Variants in ARID3A observed in about 807,000 individuals in gnomAD.
ARID3A encodes the protein AT-rich interaction domain 3A.
ARID3A carries 11 observed loss-of-function variants against 52.7 expected under a neutral mutation model. The ratio of observed to expected loss-of-function variants is 0.21; its 90% CI spans 0.13 to 0.35. The LOEUF (loss-of-function observed/expected upper bound fraction) is 0.35. Among genes scored for constraint, ARID3A ranks in the 10% least tolerant of loss-of-function variants. ARID3A has a pLI of 1.00. For missense variants in ARID3A, 721 were observed against 838.5 expected, an observed-to-expected ratio of 0.86 and a Z score of 1.73; for synonymous variants, 404 against 359.4, an observed-to-expected ratio of 1.12 and a Z score of -1.40.
chr19:950,355 CGGATGGATGAGGCCGTCCCCAGAGGGAAT>C (rs1486341371), intron 3 of ARID3A, among the ~76,000 whole-genome samples: 25,703 of 95,446 alleles, frequency 0.27, 3,486 homozygotes, highest in Middle Eastern at 0.31. Context: ...CCAGAGGGAA[CGGATGGATGAGGCCGTCCCCAGAGGGAAT>C]GGATGGATGA....
rs1482781359 is a variant in ARID3A at position 959,603 on chromosome 19, C to T, written c.694-489C>T. 2.0e-5 allele frequency among the ~76,000 whole-genome samples: 3 copies of T among 152,088 alleles called. No individual in the cohort carries two copies. Among genetic ancestry groups the T allele is most frequent in the South Asian group, 2.1e-4 (1 of 4,818 alleles). On this transcript the variant is annotated intron_variant, in intron 3 of 8. Coordinates refer to ENST00000263620, the MANE Select transcript of ARID3A (RefSeq NM_005224.3). This position sits in a 1 kb window ranked among gnomAD's most constrained non-coding sequence, Gnocchi z 5.0. The stretch of plus-strand genomic sequence containing the variant: ...GTTTTGGACTTCTGGGCTCCGGGAC[C>T]GCGGGAGAATAGATTTCTGTTGCTT...
chr19:970,004 A>T (rs2038243825), intron 8 of ARID3A, among the ~76,000 whole-genome samples: 1 of 151,824 alleles, frequency 6.6e-6, no homozygotes, highest in African/African-American at 2.4e-5. Context: ...ATATATACAT[A>T]TTTTTTTAAA....
In ARID3A at chr19:966,812, A is replaced by G. The variant is rs1469683411; in HGVS notation, c.1439A>G (p.Gln480Arg). 6.2e-7 allele frequency: 1 copy of G among 1,613,490 alleles called. No homozygotes were observed. The highest frequency in any genetic ancestry group is 8.5e-7 in the Non-Finnish European group (1 of 1,179,916). Residue 480 changes from glutamine (Q) to arginine (R), a missense_variant, in exon 7 of 9, where the codon CAG becomes CGG. Around this residue, in one of 5 missense-constraint regions of ARID3A, gnomAD observed 297 missense variants for 343.2 expected, o/e 0.87. Transcript: ENST00000263620. Reference protein sequence around the residue: ...QQRLMQRALQQNFLAMAAQLP... With the variant: ...QQRLMQRALQRNFLAMAAQLP... ...CGGCTGATGCAACGTGCACTCCAGC[A>G]GAACTTCCTGGCCATGGCGGCCCAG... is the stretch of plus-strand genomic sequence containing the variant.
chr19:940,577 G>A (rs951976662), intron 3 of ARID3A, among the ~76,000 whole-genome samples: 1 of 152,040 alleles, frequency 6.6e-6, no homozygotes, highest in Non-Finnish European at 1.5e-5. Flanking sequence ...CTGAGAAGAA[G>A]GAGAAGGAGG....
intron 3 of ARID3A, among the ~76,000 whole-genome samples, chr19:952,737 T>A (rs535113947): frequency 6.6e-6 from 1 of 152,136 alleles, no homozygotes; most frequent in South Asian, 2.1e-4. Context: ...CTTTGGAGCC[T>A]CCTGGGAGAC....
chr19:949,284 G>A (rs2238580), intron 3 of ARID3A, among the ~76,000 whole-genome samples: 29,689 of 151,754 alleles, frequency 0.2, 3,316 homozygotes, highest in East Asian at 0.47. Context: ...AGGTGCCAAG[G>A]CCCCCAGGGA....
rs1301159662 is a variant in ARID3A at position 974,343 on chromosome 19, C to T, written c.*2278C>T. ...CCTTGTCCCTTCCTGGGGCCAGCAC[C>T]GTAGCAGCACAATCACCCCGGGAAG... On this transcript the variant is annotated 3_prime_UTR_variant, in exon 9 of 9. Coordinates refer to ENST00000263620, the MANE Select transcript of ARID3A (RefSeq NM_005224.3). 1.3e-5 allele frequency: 3 copies of T among 228,468 alleles called. No individual in the cohort carries two copies. Among genetic ancestry groups the T allele is most frequent in the East Asian group, 1.2e-4 (2 of 16,096 alleles). 14.2% of individuals were successfully genotyped at this position (228,468 alleles called of 1,614,324 possible).
intron 3 of ARID3A, among the ~76,000 whole-genome samples, chr19:950,624 G>A (rs770517629): frequency 2.0e-5 from 3 of 152,194 alleles, no homozygotes; most frequent in African/African-American, 4.8e-5. Flanking sequence ...AGGGAGCCAC[G>A]GTTGACCGTG....
At chr19:957,578 C>T (rs1027502575) in intron 3 of ARID3A, among the ~76,000 whole-genome samples, 3 of 152,206 alleles carry the variant, frequency 2.0e-5, no homozygotes, top group Admixed American at 6.5e-5. Flanking sequence ...CGGTGGCTCC[C>T]GCCTGTGACC....
chr19:929,930 G>A lies in ARID3A; in HGVS notation c.368+34G>A. The A allele has an allele frequency of 1.3e-6, 2 of 1,536,006 alleles. No homozygotes were observed. Among genetic ancestry groups the A allele is most frequent in the East Asian group, 2.4e-5 (1 of 40,866 alleles). ...GGGTCTGGGGCAGGGCCTTCTGGGG[G>A]CTGTTACTGGCTCTGAGTGTCACTC... On this transcript the variant is annotated intron_variant, in intron 2 of 8. Transcript: ENST00000263620. This position sits in a 1 kb window ranked among gnomAD's most constrained non-coding sequence, Gnocchi z 6.2.
At position 974,738 on chromosome 19, in the gene ARID3A, CGT is replaced by C. The variant is rs1378733930; in HGVS notation, c.*2682_*2683del. The C allele has an allele frequency of 2.2e-5, 5 of 230,534 alleles. No individual in the cohort carries two copies. The highest frequency in any genetic ancestry group is 8.9e-5 in the African/African-American group (4 of 45,086). The allele number at this position is 230,534 out of a possible 1,614,324, so 14.3% of individuals were successfully genotyped here. ...GGGCTGGGTCGTCTCCCTCGGGCTG[CGT>C]GTGTGTGTCGGGAATCCTGCGTGTC... On this transcript the variant is annotated 3_prime_UTR_variant, in exon 9 of 9. Coordinates refer to ENST00000263620, the MANE Select transcript of ARID3A (RefSeq NM_005224.3).
At chr19:961,235 G>A (rs957912882) in intron 4 of ARID3A, among the ~76,000 whole-genome samples, 18 of 151,860 alleles carry the variant, frequency 1.2e-4, no homozygotes, top group African/African-American at 1.7e-4. Flanking sequence ...CCCAGCCTCC[G>A]CCCACCCCTC....
At position 929,436 on chromosome 19, in the gene ARID3A, G is replaced by GCCCCCCCCCCCCCGGGGCC; in HGVS notation, c.-88_-87insCCCCCCCCGGGGCCCCCCC. On this transcript the variant is annotated 5_prime_UTR_variant, in exon 2 of 9. Coordinates refer to ENST00000263620, the MANE Select transcript of ARID3A (RefSeq NM_005224.3). The surrounding 1 kb of genome is among the most constrained non-coding windows in gnomAD (Gnocchi z 6.2). ...GGCCCCCACGCTGCAGTGCGGCCGG[G>GCCCCCCCCCCCCCGGGGCC]CCCCCTCCCCGCAGGGGCCGCCCCC... 1 of 1,227,758 alleles carries GCCCCCCCCCCCCCGGGGCC rather than the reference G, an allele frequency of 8.1e-7. No individual in the cohort carries two copies. Among genetic ancestry groups the GCCCCCCCCCCCCCGGGGCC allele is most frequent in the Non-Finnish European group, 1.0e-6 (1 of 964,926 alleles). 76.1% of individuals were successfully genotyped at this position (1,227,758 alleles called of 1,614,324 possible). A position where few individuals can be genotyped will look rare whatever the true frequency, so the allele number is the denominator to read the frequency against.
In ARID3A at chr19:965,328, C is replaced by G. The variant is rs754463548; in HGVS notation, c.1198+248C>G. ...CAATCTGTGTTTCCAGTCCTGTGGC[C>G]AAGGCAGACATTACTAATTGATCAC... On this transcript the variant is annotated intron_variant, in intron 6 of 8. Transcript: ENST00000263620. 5 of 501,802 alleles carry G rather than the reference C, an allele frequency of 1.0e-5. No individual in the cohort carries two copies. In the Admixed American group the frequency reaches 1.4e-4, roughly 14 times the overall value. 31.1% of individuals were successfully genotyped at this position (501,802 alleles called of 1,614,324 possible).
In ARID3A at chr19:960,484, C is replaced by T. The variant is rs1229261838; in HGVS notation, c.766+320C>T. On this transcript the variant is annotated intron_variant, in intron 4 of 8. Transcript: ENST00000263620. The surrounding 1 kb of genome is among the most constrained non-coding windows in gnomAD (Gnocchi z 4.3). The stretch of plus-strand genomic sequence containing the variant: ...CAGGGTGCAGTGAAGTGGGGGTCCC[C>T]ACTACTGGGTAATGGGGGAGTGGAA... Among the ~76,000 whole-genome samples, 1 of 152,054 alleles carries T rather than the reference C, an allele frequency of 6.6e-6. No individual in the cohort carries two copies.
intron 3 of ARID3A, among the ~76,000 whole-genome samples, chr19:940,010 G>A (rs984914518): frequency 6.6e-6 from 1 of 152,108 alleles, no homozygotes; most frequent in Admixed American, 6.5e-5. Context: ...GCTTAGGGGC[G>A]CTGCTGGGCT....
rs1457677258 is a variant in ARID3A at position 941,289 on chromosome 19, C to A, written c.693+8547C>A. ...GCTGTGGCCGGGCGGCTCGTGGGTCCTGTCTCGTGGGACCCTGCCTGGGAG... is the reference window on the plus strand; with the variant it reads ...GCTGTGGCCGGGCGGCTCGTGGGTCATGTCTCGTGGGACCCTGCCTGGGAG... On this transcript the variant is annotated intron_variant, in intron 3 of 8. Transcript: ENST00000263620. This position sits in a 1 kb window ranked among gnomAD's most constrained non-coding sequence, Gnocchi z 6.9. Among the ~76,000 whole-genome samples the A allele has an allele frequency of 6.6e-6, 1 of 152,230 alleles. No individual in the cohort carries two copies. The highest frequency in any genetic ancestry group is 2.4e-5 in the African/African-American group (1 of 41,472).
Position 947,431 on chromosome 19 carries a change from G to A in ARID3A, c.694-12661G>A, listed in dbSNP as rs1036729248. Among the ~76,000 whole-genome samples the A allele has an allele frequency of 3.9e-5, 6 of 152,128 alleles. No homozygotes were observed. The highest frequency in any genetic ancestry group is 1.3e-4 in the Admixed American group (2 of 15,274). Reference sequence around the variant, plus strand: ...TCTCAGCACCAGGCCTGTCGCTGCCGTCCTGGACTCGTGGGCCTCAGTTTC... The same window carrying A: ...TCTCAGCACCAGGCCTGTCGCTGCCATCCTGGACTCGTGGGCCTCAGTTTC... On this transcript the variant is annotated intron_variant, in intron 3 of 8. Transcript: ENST00000263620. The surrounding 1 kb of genome is among the most constrained non-coding windows in gnomAD (Gnocchi z 6.3).
Position 941,197 on chromosome 19 carries a change from G to A in ARID3A, c.693+8455G>A, listed in dbSNP as rs1396665308. ...GCCCGCAGGCAGAGAGTGTCCCCGC[G>A]TGGTGCCTGGGCGGGGGAATGGGCG... On this transcript the variant is annotated intron_variant, in intron 3 of 8. Transcript: ENST00000263620. This position sits in a 1 kb window ranked among gnomAD's most constrained non-coding sequence, Gnocchi z 6.9. 2.0e-5 allele frequency among the ~76,000 whole-genome samples: 3 copies of A among 152,250 alleles called. No individual in the cohort carries two copies. The highest frequency in any genetic ancestry group is 2.1e-4 in the South Asian group (1 of 4,834).
Sources: gnomAD v4.1 joint callset for allele counts (sites outside exome capture counted in the v4.1 genomes callset) on GRCh38, gnomAD v4.1.1 for gene constraint, gnomAD v4.1.1 regional missense constraint, Gnocchi (gnomAD v3.1) non-coding constraint, MANE v1.5 for transcripts, NCBI Gene and HGNC (gene_info 2026-07-23, HGNC 2026-07-21) for gene names.